Variants in CACNA1C observed in about 807,000 individuals in gnomAD.
The protein encoded by CACNA1C is calcium voltage-gated channel subunit alpha1 C.
In CACNA1C, 30 loss-of-function variants were observed where a neutral mutation model predicts 229.0. The observed-to-expected ratio is 0.13, with a 90% confidence interval of 0.10 to 0.18. The LOEUF (loss-of-function observed/expected upper bound fraction) is 0.18. Among genes scored for constraint, CACNA1C ranks in the 10% least tolerant of loss-of-function variants. The pLI, the probability that CACNA1C is intolerant of heterozygous loss-of-function variation, is 1.00. For synonymous variants in CACNA1C, 1,114 were observed against 1,132.5 expected (o/e 0.98, Z 0.33); for missense variants, 1,658 against 2,845.0 (o/e 0.58, Z 9.49).
At chr12:2,336,529 C>T (rs1288514265) in intron 3 of CACNA1C, among the ~76,000 whole-genome samples, 4 of 152,160 alleles carry the variant, frequency 2.6e-5, no homozygotes, top group African/African-American at 9.7e-5. Flanking sequence ...GTGACTCAGA[C>T]AGGCAGGAAT....
rs570444018 is a variant in CACNA1C, at chr12:2,098,321, T to C, written c.50-16903T>C. ...TTGACTTTTCTAAATGAAAGAAGCA[T>C]TGTATTTTATACAAAGCATTGTTAT... is the stretch of plus-strand genomic sequence containing the variant. On this transcript the variant is annotated intron_variant, in intron 1 of 46. Transcript: ENST00000399655. 2.3e-3 allele frequency among the ~76,000 whole-genome samples: 353 copies of C among 152,332 alleles called. 1 individual carries two copies. Among genetic ancestry groups the C allele is most frequent in the Non-Finnish European group, 4.0e-3 (273 of 68,032 alleles).
chr12:2,130,377 T>G (rs1402789790), intron 3 of CACNA1C, among the ~76,000 whole-genome samples: 2 of 147,086 alleles, frequency 1.4e-5, no homozygotes, highest in African/African-American at 5.0e-5. Context: ...TATGTATACA[T>G]GTGCCATGCT....
chr12:2,553,289 C>T (rs1419588314), intron 10 of CACNA1C, among the ~76,000 whole-genome samples: 1 of 152,236 alleles, frequency 6.6e-6, no homozygotes, highest in East Asian at 1.9e-4. Context: ...AAGCATTCTA[C>T]ACCTGGAGAA....
chr12:2,019,618 A>AG (rs1207775570), intron 1 of CACNA1C, among the ~76,000 whole-genome samples: 2 of 150,930 alleles, frequency 1.3e-5, no homozygotes, highest in African/African-American at 4.9e-5. Flanking sequence ...AGAAGAAAGA[A>AG]AAAGAAAGAA....
At chr12:1,987,034 A>T (rs2038002910) in intron 1 of CACNA1C, among the ~76,000 whole-genome samples, 1 of 152,212 alleles carries the variant, frequency 6.6e-6, no homozygotes, top group Non-Finnish European at 1.5e-5. Context: ...AAGCTACAGA[A>T]CCACTCCAGA....
chr12:2,350,140 C>T (rs1353846355), intron 3 of CACNA1C, among the ~76,000 whole-genome samples: 1 of 152,168 alleles, frequency 6.6e-6, no homozygotes, highest in Non-Finnish European at 1.5e-5. Flanking sequence ...GGAATTCCTT[C>T]TTGCTGTTCG....
rs976207140 is a variant in CACNA1C at position 2,354,220 on chromosome 12, GC to G, written c.478-94753del. On this transcript the variant is annotated intron_variant, in intron 3 of 46. Coordinates refer to ENST00000399655, the MANE Select transcript of CACNA1C (RefSeq NM_000719.7). This position sits in a 1 kb window ranked among gnomAD's most constrained non-coding sequence, Gnocchi z 4.6. ...CATGTGGGCCCCGCACAGTTAGGCT[GC>G]CCGAGTCCCTCTGTCCTCGCACCCT... Among the ~76,000 whole-genome samples, 5 of 152,272 alleles carry G rather than the reference GC, an allele frequency of 3.3e-5. No homozygotes were observed. The highest frequency in any genetic ancestry group is 6.5e-5 in the Admixed American group (1 of 15,300).
chr12:2,360,594 G>A (rs570459247), intron 3 of CACNA1C, among the ~76,000 whole-genome samples: 1 of 152,326 alleles, frequency 6.6e-6, no homozygotes, highest in South Asian at 2.1e-4. Flanking sequence ...GCCCCACAGG[G>A]GCTAGAATGG....
At chr12:2,282,318 C>T (rs902854106) in intron 3 of CACNA1C, among the ~76,000 whole-genome samples, 1 of 152,100 alleles carries the variant, frequency 6.6e-6, no homozygotes, top group Non-Finnish European at 1.5e-5. Context: ...CTTTCCTATC[C>T]CCAAAGTAAG....
At position 2,608,536 on chromosome 12, in the gene CACNA1C, C is replaced by G; in HGVS notation, c.3382C>G (p.His1128Asp). 1 of 1,612,446 alleles carries G rather than the reference C, an allele frequency of 6.2e-7. No individual in the cohort carries two copies. The highest frequency in any genetic ancestry group is 8.5e-7 in the Non-Finnish European group (1 of 1,179,190). The change falls in exon 27 of 47, where the codon CAC becomes GAC. Residue 1128 changes from histidine (H) to aspartate (D), a missense_variant. Around this residue, in one of 20 missense-constraint regions of CACNA1C, gnomAD observed 77 missense variants for 130.9 expected, o/e 0.59. Coordinates refer to ENST00000399655, the MANE Select transcript of CACNA1C (RefSeq NM_000719.7). This position sits in a 1 kb window ranked among gnomAD's most constrained non-coding sequence, Gnocchi z 4.2. ...GCTGCTGTACCGCTCCATCGACTCC[C>G]ACACGGAAGACAAGGGCCCCATCTA... ...PELLYRSIDS[H>D]TEDKGPIYNY...
At chr12:2,135,966 G>C in intron 3 of CACNA1C, among the ~76,000 whole-genome samples, 1 of 150,042 alleles carries the variant, frequency 6.7e-6, no homozygotes, top group East Asian at 1.9e-4. Context: ...GAGACTCCGT[G>C]GGCGTAGGAC....
At chr12:2,153,058 T>G (rs115499596) in intron 3 of CACNA1C, among the ~76,000 whole-genome samples, 1 of 152,166 alleles carries the variant, frequency 6.6e-6, no homozygotes, top group Non-Finnish European at 1.5e-5. Flanking sequence ...ATGGCAGAGA[T>G]CAGCAGAGTG....
intron 3 of CACNA1C, among the ~76,000 whole-genome samples, chr12:2,249,412 CAG>C (rs2074664469): frequency 1.3e-5 from 2 of 152,196 alleles, no homozygotes; most frequent in African/African-American, 4.8e-5. Context: ...GTAATTGTGA[CAG>C]AGACTGTCTG....
chr12:2,004,657 C>T (rs2043037420), intron 1 of CACNA1C: 3 of 575,076 alleles, frequency 5.2e-6, no homozygotes, highest in Non-Finnish European at 9.0e-6. Context: ...CAACGACAAG[C>T]CCAGGCCTGC....
chr12:2,638,999 G>A (rs566638531), intron 30 of CACNA1C, among the ~76,000 whole-genome samples: 1 of 152,330 alleles, frequency 6.6e-6, no homozygotes, highest in African/African-American at 2.4e-5. Flanking sequence ...GGAGAGGCCT[G>A]GGCCAGGGCC....
intron 3 of CACNA1C, among the ~76,000 whole-genome samples, chr12:2,160,427 C>T (rs762667663): frequency 2.0e-5 from 3 of 152,316 alleles, no homozygotes; most frequent in East Asian, 1.9e-4. Flanking sequence ...TCAGACGGCT[C>T]GTAACTTTGG....
At chr12:2,256,347 A>G (rs373810467) in intron 3 of CACNA1C, among the ~76,000 whole-genome samples, 2 of 152,350 alleles carry the variant, frequency 1.3e-5, no homozygotes, top group South Asian at 4.1e-4. Flanking sequence ...ACTTAAACAC[A>G]TAATTGGAAC....
chr12:2,239,208 C>T (rs1361896103), intron 3 of CACNA1C, among the ~76,000 whole-genome samples: 1 of 152,160 alleles, frequency 6.6e-6, no homozygotes, highest in Non-Finnish European at 1.5e-5. Context: ...CCAAAACAGC[C>T]AGAGAACTGT....
chr12:2,513,527 A>G (rs1280705923), intron 9 of CACNA1C, among the ~76,000 whole-genome samples: 1 of 152,234 alleles, frequency 6.6e-6, no homozygotes, highest in Admixed American at 6.5e-5. Context: ...GGAAGCCCAG[A>G]GGAATTCGGC....
Sources: allele counts gnomAD v4.1 joint callset (sites outside exome capture counted in the v4.1 genomes callset), GRCh38; gene constraint gnomAD v4.1.1; regional missense constraint gnomAD v4.1.1; non-coding constraint Gnocchi (gnomAD v3.1); transcripts MANE v1.5; gene names NCBI Gene and HGNC (gene_info 2026-07-23, HGNC 2026-07-21).